KCNQ1: variants seen among roughly 807,000 people sequenced by gnomAD.
KCNQ1 encodes potassium voltage-gated channel subfamily KQT member 1.
Under a neutral mutation model 72.4 loss-of-function variants are expected in KCNQ1, and 49 were observed. That is an observed-to-expected ratio of 0.68 (90% confidence interval 0.54 to 0.86). The LOEUF (loss-of-function observed/expected upper bound fraction) is 0.86, where lower values mean the gene tolerates loss of function less well. Ranked by LOEUF, KCNQ1 falls within the 40% of genes least tolerant of loss-of-function variation. KCNQ1 has a pLI of 0.00. For synonymous variants in KCNQ1, 450 were observed against 412.6 expected (o/e 1.09, Z -1.10); for missense variants, 790 against 945.1 (o/e 0.84, Z 2.15).
intron 10 of KCNQ1, chr11:2,618,316 T>C (rs1177273786): frequency 1.0e-5 from 4 of 398,350 alleles, no homozygotes; most frequent in Non-Finnish European, 1.8e-5. Context: ...GCTAAAAAAA[T>C]GCAAAAAAAT....
chr11:2,585,274 C>T lies in KCNQ1; in HGVS notation c.1095C>T (p.Asn365=), dbSNP rs1589967022. Residue 365 remains asparagine (N), a synonymous_variant, in exon 8 of 16, where the codon AAC becomes AAT. Coordinates refer to ENST00000155840, the MANE Select transcript of KCNQ1 (RefSeq NM_000218.3). ...AGAAGCAGAGGCAGAAGCACTTCAA[C>T]CGGCAGATCCCGGCGGCAGCCTCAC... is the stretch of plus-strand genomic sequence containing the variant. ...VQQKQRQKHF[N]RQIPAAASLI... is the part of the protein sequence containing the mutation. The T allele has an allele frequency of 6.2e-7, 1 of 1,614,004 alleles. No homozygotes were observed. Among genetic ancestry groups the T allele is most frequent in the South Asian group, 1.1e-5 (1 of 91,082 alleles).
intron 10 of KCNQ1, among the ~76,000 whole-genome samples, chr11:2,607,258 C>G (rs1848896261): frequency 6.6e-6 from 1 of 152,032 alleles, no homozygotes; most frequent in African/African-American, 2.4e-5. Context: ...CTTTCTATTC[C>G]TAGTATATTG....
rs1590007554 is a variant in KCNQ1, at chr11:2,652,433, G to A, written c.1394-9528G>A. The A allele has an allele frequency of 2.5e-6, 1 of 398,312 alleles. No homozygotes were observed. Among genetic ancestry groups the A allele is most frequent in the Admixed American group, 4.4e-5 (1 of 22,700 alleles). The allele number at this position is 398,312 out of a possible 1,614,324, so 24.7% of individuals were successfully genotyped here. ...GTGTAATTTTGTCTTGAAAATCAAG[G>A]CCACTTTTTTGTTTTCTCCATCCAA... is the stretch of plus-strand genomic sequence containing the variant. On this transcript the variant is annotated intron_variant, in intron 10 of 15. Coordinates refer to ENST00000155840, the MANE Select transcript of KCNQ1 (RefSeq NM_000218.3). The surrounding 1 kb of genome is among the most constrained non-coding windows in gnomAD (Gnocchi z 5.9).
intron 15 of KCNQ1, among the ~76,000 whole-genome samples, chr11:2,831,758 C>T (rs1847956578): frequency 6.6e-6 from 1 of 150,528 alleles, no homozygotes; most frequent in Non-Finnish European, 1.5e-5. Context: ...TCCGTTGCCC[C>T]CTCCTCCCTC....
chr11:2,565,005 G>T lies in KCNQ1; in HGVS notation c.478-5623G>T, dbSNP rs539580973. On this transcript the variant is annotated intron_variant, in intron 2 of 15. Transcript: ENST00000155840. This position sits in a 1 kb window ranked among gnomAD's most constrained non-coding sequence, Gnocchi z 5.6. ...CGGTGCACTGAGGGACACTGGGCTG[G>T]TTCCCCTTTTTGGCTGTTGTGAATG... 4.6e-5 allele frequency among the ~76,000 whole-genome samples: 7 copies of T among 152,152 alleles called. No individual in the cohort carries two copies. The highest frequency in any genetic ancestry group is 1.0e-4 in the Non-Finnish European group (7 of 68,026).
intron 6 of KCNQ1, among the ~76,000 whole-genome samples, chr11:2,580,804 C>T (rs61426093): frequency 0.053 from 8,051 of 152,312 alleles, 660 homozygotes; most frequent in African/African-American, 0.18. Flanking sequence ...CTTGTCCTCC[C>T]GGACCCAGTG....
Position 2,645,377 on chromosome 11 carries a change from A to C in KCNQ1, c.1394-16584A>C. 2.5e-6 allele frequency: 1 copy of C among 398,792 alleles called. No homozygotes were observed. Among genetic ancestry groups the C allele is most frequent in the East Asian group, 3.6e-5 (1 of 28,056 alleles). 24.7% of individuals were successfully genotyped at this position (398,792 alleles called of 1,614,324 possible). ...GTATGCGCTGGCACTGGGAGAAAAG[A>C]GGGTGGGACCAGGCCAGGTGGGCCT... On this transcript the variant is annotated intron_variant, in intron 10 of 15. Coordinates refer to ENST00000155840, the MANE Select transcript of KCNQ1 (RefSeq NM_000218.3). The surrounding 1 kb of genome is among the most constrained non-coding windows in gnomAD (Gnocchi z 5.8).
At chr11:2,585,117 C>T (rs1361157131) in intron 7 of KCNQ1, 95 bp from the exon 8 acceptor site, 4 of 1,114,142 alleles carry the variant, frequency 3.6e-6, no homozygotes, top group African/African-American at 3.1e-5. Context: ...CCATACCTGG[C>T]CTTCCCACAA....
At chr11:2,470,502 C>CT (rs1846429800) in intron 1 of KCNQ1, among the ~76,000 whole-genome samples, 1 of 152,096 alleles carries the variant, frequency 6.6e-6, no homozygotes, top group African/African-American at 2.4e-5. Flanking sequence ...CGCCTTTGTT[C>CT]TGTGCCTGGG....
At position 2,483,626 on chromosome 11, in the gene KCNQ1, AG is replaced by A. The variant is rs1351561080; in HGVS notation, c.386+38143del. Among the ~76,000 whole-genome samples, 1 of 152,146 alleles carries A rather than the reference AG, an allele frequency of 6.6e-6. No homozygotes were observed. Among genetic ancestry groups the A allele is most frequent in the Non-Finnish European group, 1.5e-5 (1 of 68,024 alleles). On this transcript the variant is annotated intron_variant, in intron 1 of 15. Transcript: ENST00000155840. The surrounding 1 kb of genome is among the most constrained non-coding windows in gnomAD (Gnocchi z 6.1). Reference sequence around the variant, plus strand: ...GATAAGTACTGGGCGGCTGTTTTGTAGAACGTCCCTCGGTTTGGATTCTCTG... The same window carrying A: ...GATAAGTACTGGGCGGCTGTTTTGTAAACGTCCCTCGGTTTGGATTCTCTG...
At position 2,587,619 on chromosome 11, in the gene KCNQ1, A is replaced by T. The variant is rs199472775; in HGVS notation, c.1178A>T (p.Lys393Met). The change falls in exon 9 of 16, where the codon AAG (lysine) becomes ATG (methionine). Residue 393 changes from lysine (K) to methionine (M), a missense_variant. This residue lies in a region of KCNQ1 where 178 missense variants were observed against 177.9 expected (regional missense o/e 1.00). Coordinates refer to ENST00000155840, the MANE Select transcript of KCNQ1 (RefSeq NM_000218.3). Reference sequence around the variant, plus strand: ...GAGAACCCCGACTCCTCCACCTGGAAGATCTACATCCGGAAGGCCCCCCGG... The same window carrying T: ...GAGAACCCCGACTCCTCCACCTGGATGATCTACATCCGGAAGGCCCCCCGG... Reference protein sequence around the residue: ...AAENPDSSTWKIYIRKAPRSH... With the variant: ...AAENPDSSTWMIYIRKAPRSH... 3 of 1,613,980 alleles carry T rather than the reference A, an allele frequency of 1.9e-6. No homozygotes were observed. Among genetic ancestry groups the T allele is most frequent in the Non-Finnish European group, 2.5e-6 (3 of 1,180,024 alleles).
chr11:2,663,519 G>A lies in KCNQ1; in HGVS notation c.1514+1438G>A, dbSNP rs1850007160. On this transcript the variant is annotated intron_variant, in intron 11 of 15. Coordinates refer to ENST00000155840, the MANE Select transcript of KCNQ1 (RefSeq NM_000218.3). This position sits in a 1 kb window ranked among gnomAD's most constrained non-coding sequence, Gnocchi z 5.2. ...GTGGCAGTGCCTGTATTGCCTCTTG[G>A]CTGTCCCCTCAGAGAGGGGACTGTC... The A allele has an allele frequency of 1.3e-5, 5 of 398,476 alleles. No individual in the cohort carries two copies. Among genetic ancestry groups the A allele is most frequent in the Admixed American group, 8.8e-5 (2 of 22,718 alleles). The allele number at this position is 398,476 out of a possible 1,614,324, so 24.7% of individuals were successfully genotyped here. A position where few individuals can be genotyped will look rare whatever the true frequency, so the allele number is the denominator to read the frequency against.
At chr11:2,789,098 C>G (rs1413650599) in intron 15 of KCNQ1, among the ~76,000 whole-genome samples, 2 of 152,200 alleles carry the variant, frequency 1.3e-5, no homozygotes, top group Non-Finnish European at 2.9e-5. Flanking sequence ...TGGAACCAGG[C>G]TCAGCAGGCA....
Position 2,541,607 on chromosome 11 carries a change from C to T in KCNQ1, c.477+13589C>T, listed in dbSNP as rs1046806903. 2.6e-5 allele frequency among the ~76,000 whole-genome samples: 4 copies of T among 151,924 alleles called. No homozygotes were observed. Among genetic ancestry groups the T allele is most frequent in the African/African-American group, 9.7e-5 (4 of 41,356 alleles). ...ACGCCGTTTTCGGGATGCTTGTGAG[C>T]AGGGCTTTGTCCCCACCGTTAGGAT... On this transcript the variant is annotated intron_variant, in intron 2 of 15. Coordinates refer to ENST00000155840, the MANE Select transcript of KCNQ1 (RefSeq NM_000218.3). This position sits in a 1 kb window ranked among gnomAD's most constrained non-coding sequence, Gnocchi z 4.8.
Position 2,600,601 on chromosome 11 carries a change from T to A in KCNQ1, c.1393+11747T>A, listed in dbSNP as rs562982093. ...ATCTTTGAAAGCAGTAATACAGTTA[T>A]TGACTTCTGCAATTAAACATCAATA... is the stretch of plus-strand genomic sequence containing the variant. On this transcript the variant is annotated intron_variant, in intron 10 of 15. Transcript: ENST00000155840. This position sits in a 1 kb window ranked among gnomAD's most constrained non-coding sequence, Gnocchi z 5.6. Among the ~76,000 whole-genome samples, 20 of 152,362 alleles carry A rather than the reference T, an allele frequency of 1.3e-4. No homozygotes were observed. The highest frequency in any genetic ancestry group is 2.2e-4 in the Non-Finnish European group (15 of 68,038).
At position 2,627,355 on chromosome 11, in the gene KCNQ1, C is replaced by A. The variant is rs1053416459; in HGVS notation, c.1394-34606C>A. On this transcript the variant is annotated intron_variant, in intron 10 of 15. Coordinates refer to ENST00000155840, the MANE Select transcript of KCNQ1 (RefSeq NM_000218.3). The surrounding 1 kb of genome is among the most constrained non-coding windows in gnomAD (Gnocchi z 4.9). ...TAAGCTATACTCTCTTAGCAAATTC[C>A]AAGTATAGAATATATTAACTATAGT... 1.3e-5 allele frequency: 5 copies of A among 398,412 alleles called. No homozygotes were observed. Among genetic ancestry groups the A allele is most frequent in the Admixed American group, 4.4e-5 (1 of 22,716 alleles). The allele number at this position is 398,412 out of a possible 1,614,324, so 24.7% of individuals were successfully genotyped here.
intron 1 of KCNQ1, among the ~76,000 whole-genome samples, chr11:2,454,679 C>G (rs1846161145): frequency 6.6e-6 from 1 of 152,136 alleles, no homozygotes. Flanking sequence ...ACCGTATGAT[C>G]ATCTCAATAG....
chr11:2,677,163 C>A lies in KCNQ1; in HGVS notation c.1514+15082C>A, dbSNP rs1590025766. The A allele has an allele frequency of 2.5e-6, 1 of 398,562 alleles. No homozygotes were observed. Among genetic ancestry groups the A allele is most frequent in the Middle Eastern group, 6.3e-4 (1 of 1,588 alleles). 24.7% of individuals were successfully genotyped at this position (398,562 alleles called of 1,614,324 possible). On this transcript the variant is annotated intron_variant, in intron 11 of 15. Transcript: ENST00000155840. This position sits in a 1 kb window ranked among gnomAD's most constrained non-coding sequence, Gnocchi z 4.5. Reference sequence around the variant, plus strand: ...TTGAACACTGTTGTTTCTCCCTATCCATCTTATCCCTACTTGTATCTCTGC... The same window carrying A: ...TTGAACACTGTTGTTTCTCCCTATCAATCTTATCCCTACTTGTATCTCTGC...
intron 11 of KCNQ1, among the ~76,000 whole-genome samples, chr11:2,753,950 A>G (rs1314220785): frequency 6.6e-6 from 1 of 152,266 alleles, no homozygotes; most frequent in Admixed American, 6.5e-5. Flanking sequence ...GAATATACAA[A>G]GAGGTCTTAC....
Sources: allele counts gnomAD v4.1 joint callset (sites outside exome capture counted in the v4.1 genomes callset), GRCh38; gene constraint gnomAD v4.1.1; regional missense constraint gnomAD v4.1.1; non-coding constraint Gnocchi (gnomAD v3.1); transcripts MANE v1.5; gene names NCBI Gene and HGNC (gene_info 2026-07-23, HGNC 2026-07-21).